PHAF1: variants seen among roughly 807,000 people sequenced by gnomAD.
The protein encoded by PHAF1 is phagophore assembly factor 1.
Under a neutral mutation model 63.1 loss-of-function variants are expected in PHAF1, and 23 were observed. The observed-to-expected ratio is 0.36, with a 90% CI of 0.26 to 0.52. PHAF1 has a LOEUF of 0.52. Ranked by LOEUF, PHAF1 falls within the 20% of genes least tolerant of loss-of-function variation. The probability of loss-of-function intolerance (pLI) is 0.93; values close to 1 mark genes in which losing one functional copy is unlikely to be tolerated. For synonymous variants in PHAF1, 167 were observed against 185.0 expected (o/e 0.90, Z 0.79); for missense variants, 427 against 517.2 (o/e 0.83, Z 1.69).
Position 67,131,276 on chromosome 16 carries a change from T to C in PHAF1, c.232-10T>C. The C allele has an allele frequency of 1.3e-6, 2 of 1,545,976 alleles. No homozygotes were observed. The highest frequency in any genetic ancestry group is 1.2e-5 in the South Asian group (1 of 84,614). Reference sequence around the variant, plus strand: ...TTCAGAGCATTGACAACTCTTAAACTTTTTTTTAGGTGATCGAAGTATGTG... The same window carrying C: ...TTCAGAGCATTGACAACTCTTAAACCTTTTTTTAGGTGATCGAAGTATGTG... On this transcript the variant is annotated splice_polypyrimidine_tract_variant and intron_variant, in intron 3 of 15. Transcript: ENST00000219139.
intron 10 of PHAF1, among the ~76,000 whole-genome samples, chr16:67,141,811 G>T (rs1388918365): frequency 6.6e-6 from 1 of 152,234 alleles, no homozygotes; most frequent in Non-Finnish European, 1.5e-5. Context: ...ACCACACAGA[G>T]CCCCAAACAG....
intron 8 of PHAF1, chr16:67,139,683 T>G (rs887505320): frequency 3.3e-6 from 1 of 303,834 alleles, no homozygotes; most frequent in African/African-American, 2.2e-5. Context: ...TTTTGTTTCT[T>G]CAACATCTAG....
rs140549648 is a variant in PHAF1 at position 67,130,296 on chromosome 16, C to G, written c.232-990C>G. On this transcript the variant is annotated intron_variant, in intron 3 of 15. Transcript: ENST00000219139. ...TCTCCTGACCTTGTGATCCGCCCGC[C>G]TCGGCCTCCCAAAGTGCTGGGATTA... Among the ~76,000 whole-genome samples, 51 of 151,616 alleles carry G rather than the reference C, an allele frequency of 3.4e-4. No individual in the cohort carries two copies. In the East Asian group the frequency reaches 9.3e-3, roughly 28 times the overall value.
At chr16:67,130,264 G>A (rs1036171941) in intron 3 of PHAF1, among the ~76,000 whole-genome samples, 1 of 151,474 alleles carries the variant, frequency 6.6e-6, no homozygotes, top group Admixed American at 6.6e-5. Flanking sequence ...AGCCAGGATG[G>A]TCTCAATCTC....
intron 14 of PHAF1, among the ~76,000 whole-genome samples, 153 bp downstream of exon 14, chr16:67,145,781 A>T (rs1359396509): frequency 6.6e-6 from 1 of 152,182 alleles, no homozygotes; most frequent in African/African-American, 2.4e-5. Context: ...GCACATTAGG[A>T]CTGAGTCAAC....
chr16:67,133,954 G>GA (rs886990689), intron 6 of PHAF1, among the ~76,000 whole-genome samples: 3 of 149,354 alleles, frequency 2.0e-5, no homozygotes, highest in African/African-American at 2.5e-5. Flanking sequence ...CAAAAAAAAA[G>GA]AAAAAAAAAG....
intron 1 of PHAF1, among the ~76,000 whole-genome samples, chr16:67,118,123 A>C (rs1962817094): frequency 8.3e-6 from 1 of 120,950 alleles, no homozygotes; most frequent in African/African-American, 2.9e-5. Context: ...CGCCCGGCTA[A>C]TTTTTTTTTT....
chr16:67,113,335 A>C (rs6499114), intron 1 of PHAF1, among the ~76,000 whole-genome samples: 36,611 of 152,112 alleles, frequency 0.24, 9,295 homozygotes, highest in African/African-American at 0.65. Context: ...AACACAGGGA[A>C]AGGAAAACCT....
chr16:67,126,880 GAC>G (rs1963214063), intron 3 of PHAF1, among the ~76,000 whole-genome samples: 1 of 129,376 alleles, frequency 7.7e-6, no homozygotes, highest in Non-Finnish European at 1.6e-5. Flanking sequence ...GAGCCACCAT[GAC>G]CAGCCCAGTC....
intron 3 of PHAF1, among the ~76,000 whole-genome samples, chr16:67,130,137 C>T (rs1281594218): frequency 1.3e-5 from 2 of 151,892 alleles, no homozygotes; most frequent in Non-Finnish European, 2.9e-5. Context: ...AGCTCTGCCT[C>T]CCGGGTTCAC....
At chr16:67,125,886 T>G in intron 2 of PHAF1, 73 bp from the exon 3 acceptor site, 2 of 1,070,668 alleles carry the variant, frequency 1.9e-6, no homozygotes, top group Non-Finnish European at 2.9e-6. Context: ...GTTGCATTTG[T>G]ATTGTAAGGC....
rs199531709 is a variant in PHAF1, at chr16:67,132,807, C to T, written c.356-10C>T. ...AACCATGTTATTTTCTTCTCCCCCA[C>T]CCCCAACAGTGTACAACTCCGCTGA... On this transcript the variant is annotated splice_polypyrimidine_tract_variant and intron_variant, in intron 5 of 15. Transcript: ENST00000219139. 1.9e-3 allele frequency: 3,026 copies of T among 1,600,656 alleles called. 6 individuals carry two copies. The highest frequency in any genetic ancestry group is 2.4e-3 in the Non-Finnish European group (2,857 of 1,167,668).
intron 2 of PHAF1, among the ~76,000 whole-genome samples, chr16:67,123,239 G>A (rs1963056427): frequency 6.6e-6 from 1 of 151,640 alleles, no homozygotes; most frequent in Non-Finnish European, 1.5e-5. Flanking sequence ...AGCCTCCTGG[G>A]TAGCTGGGAC....
intron 1 of PHAF1, among the ~76,000 whole-genome samples, chr16:67,119,457 A>G (rs1962884500): frequency 6.6e-6 from 1 of 151,668 alleles, no homozygotes; most frequent in Non-Finnish European, 1.5e-5. Context: ...ATAGACTAAC[A>G]CTAATGATAG....
intron 1 of PHAF1, among the ~76,000 whole-genome samples, chr16:67,119,705 T>C (rs1962897609): frequency 6.6e-6 from 1 of 150,738 alleles, no homozygotes; most frequent in South Asian, 2.1e-4. Context: ...TTTTTTTTTT[T>C]TTAGTAGAGT....
chr16:67,143,481 C>A (rs1963881799), intron 10 of PHAF1, among the ~76,000 whole-genome samples: 1 of 152,218 alleles, frequency 6.6e-6, no homozygotes, highest in Non-Finnish European at 1.5e-5. Context: ...TCCTCGGATT[C>A]TCTTGGCTCT....
chr16:67,136,796 G>A (rs1235678505), intron 8 of PHAF1, among the ~76,000 whole-genome samples: 1 of 151,810 alleles, frequency 6.6e-6, no homozygotes, highest in Non-Finnish European at 1.5e-5. Context: ...GCCCAGGCTG[G>A]TCTCAAACTC....
At chr16:67,139,871 C>A in intron 8 of PHAF1, 113 bp from the exon 9 acceptor site, 1 of 1,238,680 alleles carries the variant, frequency 8.1e-7, no homozygotes, top group Non-Finnish European at 1.2e-6. Flanking sequence ...TGCAGTCTTG[C>A]CCCTTGCCAG....
chr16:67,146,309 G>T lies in PHAF1; in HGVS notation c.1141G>T (p.Gly381Cys). 6.2e-7 allele frequency: 1 copy of T among 1,614,142 alleles called. No homozygotes were observed. The highest frequency in any genetic ancestry group is 8.5e-7 in the Non-Finnish European group (1 of 1,180,010). Residue 381 changes from glycine to cysteine, a missense_variant, in exon 15 of 16, where the codon GGT (glycine) becomes TGT (cysteine). Physicochemically the swap from Gly to Cys is radical, Grantham distance 159. Transcript: ENST00000219139. ...SSSPNNTNPF[G>C]STFCFGLQRM... Reference sequence around the variant, plus strand: ...CTCCCCAAACAACACCAACCCATTTGGTTCCACATTCTGCTTTGGTCTTCA... The same window carrying T: ...CTCCCCAAACAACACCAACCCATTTTGTTCCACATTCTGCTTTGGTCTTCA...
Sources: gnomAD v4.1 joint callset for allele counts (sites outside exome capture counted in the v4.1 genomes callset) on GRCh38, gnomAD v4.1.1 for gene constraint, MANE v1.5 for transcripts, NCBI Gene and HGNC (gene_info 2026-07-23, HGNC 2026-07-21) for gene names.